Variants in SPOCK3 observed in about 807,000 individuals in gnomAD.
The protein encoded by SPOCK3 is SPARC (osteonectin), cwcv and kazal like domains proteoglycan 3, also known as testican-3.
A neutral mutation model predicts 56.6 loss-of-function variants in SPOCK3; 30 were observed. The ratio of observed to expected loss-of-function variants is 0.53; its 90% CI spans 0.40 to 0.72. The LOEUF is 0.72. Among genes scored for constraint, SPOCK3 ranks in the 30% least tolerant of loss-of-function variants. The pLI, the probability that SPOCK3 is intolerant of heterozygous loss-of-function variation, is 0.00. For missense variants in SPOCK3, 527 were observed against 530.0 expected, an observed-to-expected ratio of 0.99 and a Z score of 0.06; for synonymous variants, 196 against 183.3, an observed-to-expected ratio of 1.07 and a Z score of -0.56.
intron 6 of SPOCK3, among the ~76,000 whole-genome samples, chr4:166,813,373 G>A (rs1400138828): frequency 1.3e-5 from 2 of 151,784 alleles, no homozygotes; most frequent in East Asian, 1.9e-4. Flanking sequence ...GATTAGGCAG[G>A]CTCTGAGGAA....
intron 2 of SPOCK3, among the ~76,000 whole-genome samples, chr4:167,202,957 T>C (rs1448796695): frequency 1.3e-5 from 2 of 151,880 alleles, no homozygotes; most frequent in Non-Finnish European, 2.9e-5. Context: ...TTTGGTTTTT[T>C]AAAAAGTAAA....
chr4:166,839,920 C>T (rs917439807), intron 6 of SPOCK3, among the ~76,000 whole-genome samples: 4 of 152,290 alleles, frequency 2.6e-5, no homozygotes, highest in African/African-American at 7.2e-5. Context: ...AATTTCACTT[C>T]GGGGAAATCT....
At chr4:167,058,910 C>A (rs1229933467) in intron 3 of SPOCK3, among the ~76,000 whole-genome samples, 1 of 152,190 alleles carries the variant, frequency 6.6e-6, no homozygotes, top group East Asian at 1.9e-4. Flanking sequence ...AAAGGATTCC[C>A]TACTTAATAA....
chr4:167,180,917 G>A (rs1415395388), intron 2 of SPOCK3, among the ~76,000 whole-genome samples: 1 of 152,096 alleles, frequency 6.6e-6, no homozygotes, highest in Non-Finnish European at 1.5e-5. Flanking sequence ...AAATATAGAA[G>A]TCATTTACAT....
chr4:166,777,303 A>T (rs1035453314), intron 7 of SPOCK3, among the ~76,000 whole-genome samples: 6 of 152,246 alleles, frequency 3.9e-5, no homozygotes, highest in African/African-American at 1.2e-4. Flanking sequence ...TTTTGTAAAC[A>T]TTCCCAAGTT....
At chr4:167,045,668 C>T (rs1395383107) in intron 3 of SPOCK3, among the ~76,000 whole-genome samples, 6 of 152,068 alleles carry the variant, frequency 3.9e-5, no homozygotes, top group Non-Finnish European at 8.8e-5. Context: ...TACTCTACCA[C>T]TTTATGGGTA....
intron 3 of SPOCK3, among the ~76,000 whole-genome samples, chr4:167,051,646 C>T (rs1754211079): frequency 6.6e-6 from 1 of 152,182 alleles, no homozygotes; most frequent in South Asian, 2.1e-4. Context: ...TGAGGGTTGA[C>T]ATTTCACACT....
chr4:166,739,911 C>A, intron 9 of SPOCK3, among the ~76,000 whole-genome samples: 1 of 152,006 alleles, frequency 6.6e-6, no homozygotes, highest in Non-Finnish European at 1.5e-5. Context: ...GCTAATCTTT[C>A]AATTAGATAG....
chr4:166,830,797 T>G (rs2126793067), intron 6 of SPOCK3, among the ~76,000 whole-genome samples: 1 of 152,154 alleles, frequency 6.6e-6, no homozygotes, highest in East Asian at 1.9e-4. Context: ...CCTATGTTTT[T>G]GGGAAAGTGT....
chr4:167,227,515 A>T (rs537544181), intron 2 of SPOCK3, among the ~76,000 whole-genome samples: 2 of 152,158 alleles, frequency 1.3e-5, no homozygotes, highest in South Asian at 4.1e-4. Flanking sequence ...ATGCTAGGTG[A>T]GTTGTAGGAT....
intron 5 of SPOCK3, among the ~76,000 whole-genome samples, chr4:166,897,808 C>T (rs1461143879): frequency 6.6e-6 from 1 of 152,084 alleles, no homozygotes; most frequent in Non-Finnish European, 1.5e-5. Flanking sequence ...GTCTCACAGA[C>T]CATATTAGAA....
intron 6 of SPOCK3, among the ~76,000 whole-genome samples, chr4:166,803,359 C>T (rs1198639998): frequency 6.6e-6 from 1 of 152,022 alleles, no homozygotes; most frequent in East Asian, 1.9e-4. Context: ...GCATTTTGTT[C>T]AGACATTAGA....
intron 2 of SPOCK3, among the ~76,000 whole-genome samples, chr4:167,205,539 ATATAT>A (rs2110980698): frequency 1.8e-5 from 1 of 56,330 alleles, no homozygotes; most frequent in South Asian, 3.7e-4. Context: ...ATTATATAAT[ATATAT>A]TATATAATAT....
At chr4:167,008,517 C>A (rs942225665) in intron 3 of SPOCK3, among the ~76,000 whole-genome samples, 1 of 151,942 alleles carries the variant, frequency 6.6e-6, no homozygotes, top group Non-Finnish European at 1.5e-5. Flanking sequence ...TTAAGAAATT[C>A]TTTCTTCAAA....
intron 5 of SPOCK3, among the ~76,000 whole-genome samples, chr4:166,896,626 G>T (rs1189720198): frequency 2.0e-5 from 3 of 152,160 alleles, no homozygotes; most frequent in Non-Finnish European, 4.4e-5. Context: ...ATGAGTGGGG[G>T]TCAGAAGACT....
At chr4:166,892,411 C>T (rs928518566) in intron 5 of SPOCK3, among the ~76,000 whole-genome samples, 9 of 151,654 alleles carry the variant, frequency 5.9e-5, no homozygotes, top group Non-Finnish European at 8.8e-5. Flanking sequence ...ATGATTTTAG[C>T]TACTTTTTAT....
chr4:166,948,824 G>C (rs1742123441), intron 4 of SPOCK3, among the ~76,000 whole-genome samples: 1 of 151,778 alleles, frequency 6.6e-6, no homozygotes, highest in Non-Finnish European at 1.5e-5. Context: ...ATGTGTCTTG[G>C]AGTTGCTCTT....
chr4:167,074,926 A>G (rs1757036773), intron 2 of SPOCK3, among the ~76,000 whole-genome samples: 1 of 152,016 alleles, frequency 6.6e-6, no homozygotes, highest in African/African-American at 2.4e-5. Context: ...ATACAAATTT[A>G]CAATGTGTAA....
chr4:166,961,762 C>T (rs1375107981), intron 4 of SPOCK3, among the ~76,000 whole-genome samples: 2 of 152,112 alleles, frequency 1.3e-5, no homozygotes, highest in Non-Finnish European at 2.9e-5. Context: ...AAGTCAAAAA[C>T]GTCAAAAATA....
Sources: allele counts gnomAD v4.1 joint callset (sites outside exome capture counted in the v4.1 genomes callset), GRCh38; gene constraint gnomAD v4.1.1; transcripts MANE v1.5; gene names NCBI Gene and HGNC (gene_info 2026-07-23, HGNC 2026-07-21).